KCMF1: variants seen among roughly 807,000 people sequenced by gnomAD.
The protein encoded by KCMF1 is potassium channel modulatory factor 1.
In KCMF1, 3 loss-of-function variants were observed where a neutral mutation model predicts 41.1. The observed-to-expected ratio is 0.07, with a 90% confidence interval of 0.03 to 0.19. The LOEUF (loss-of-function observed/expected upper bound fraction) is 0.19. Ranked by LOEUF, KCMF1 falls within the 10% of genes least tolerant of loss-of-function variation. The pLI, the probability that KCMF1 is intolerant of heterozygous loss-of-function variation, is 1.00. For missense variants in KCMF1, 286 were observed against 488.9 expected, an observed-to-expected ratio of 0.58 and a Z score of 3.91; for synonymous variants, 142 against 164.5, an observed-to-expected ratio of 0.86 and a Z score of 1.04.
intron 1 of KCMF1, among the ~76,000 whole-genome samples, chr2:85,008,291 T>TATATATCATATG (rs1553379311): frequency 6.8e-5 from 1 of 14,622 alleles, no homozygotes; most frequent in African/African-American, 1.5e-4. Context: ...TGATATATAA[T>TATATATCATATG]ATATATAATA....
At chr2:85,008,363 T>TATATATGATATATATC in intron 1 of KCMF1, among the ~76,000 whole-genome samples, 1 of 13,448 alleles carries the variant, frequency 7.4e-5, no homozygotes, top group South Asian at 3.4e-3. Context: ...TAATATATAT[T>TATATATGATATATATC]ATATATCATA....
chr2:85,058,782 G>T lies in KCMF1; in HGVS notation c.*5373G>T, dbSNP rs1676000976. On this transcript the variant is annotated 3_prime_UTR_variant, in exon 7 of 7. Coordinates refer to ENST00000409785, the MANE Select transcript of KCMF1 (RefSeq NM_020122.5). ...GTCAGTCACGTGACCAATCAGAGCT[G>T]GTGAGTGAGCTGCTCCCTTAAATCT... 6.6e-6 allele frequency: 1 copy of T among 152,178 alleles called. No homozygotes were observed. Among genetic ancestry groups the T allele is most frequent in the Non-Finnish European group, 1.5e-5 (1 of 68,038 alleles). 9.4% of individuals were successfully genotyped at this position (152,178 alleles called of 1,614,324 possible).
At chr2:85,031,451 G>A (rs1675265061) in intron 2 of KCMF1, among the ~76,000 whole-genome samples, 1 of 152,100 alleles carries the variant, frequency 6.6e-6, no homozygotes, top group Non-Finnish European at 1.5e-5. Context: ...ATGTTCAGTA[G>A]AAACAGAACT....
chr2:85,025,835 A>G (rs1457012551), intron 1 of KCMF1, among the ~76,000 whole-genome samples: 1 of 152,066 alleles, frequency 6.6e-6, no homozygotes, highest in East Asian at 1.9e-4. Flanking sequence ...TTTGCAGTGA[A>G]GAAATACAAT....
chr2:85,006,369 C>T (rs1006693446), intron 1 of KCMF1, among the ~76,000 whole-genome samples: 2 of 142,170 alleles, frequency 1.4e-5, no homozygotes, highest in Admixed American at 7.3e-5. Flanking sequence ...GGCGCCATCT[C>T]GGCTCACTGC....
In KCMF1 at chr2:85,013,577, A is replaced by G. The variant is rs149661339; in HGVS notation, c.17-14312A>G. Among the ~76,000 whole-genome samples the G allele has an allele frequency of 7.9e-3, 1,198 of 152,228 alleles. 16 individuals are homozygous for G. Among genetic ancestry groups the G allele is most frequent in the African/African-American group, 0.027 (1,133 of 41,536 alleles). On this transcript the variant is annotated intron_variant, in intron 1 of 6. Coordinates refer to ENST00000409785, the MANE Select transcript of KCMF1 (RefSeq NM_020122.5). ...CACTTTGGGAGGCCGAGGTGGGCGG[A>G]TCACGAGGCCGGTAGTTCGAGACCA...
At chr2:84,981,160 C>G (rs1673734541) in intron 1 of KCMF1, among the ~76,000 whole-genome samples, 1 of 150,826 alleles carries the variant, frequency 6.6e-6, no homozygotes, top group African/African-American at 2.4e-5. Context: ...GATATCATGA[C>G]TAATTAGGTT....
At chr2:85,048,612 T>C (rs1029892273) in intron 5 of KCMF1, among the ~76,000 whole-genome samples, 5 of 152,240 alleles carry the variant, frequency 3.3e-5, no homozygotes, top group African/African-American at 1.2e-4. Context: ...GGCATTTCAC[T>C]GTACCTTACT....
At chr2:85,007,386 A>G (rs1411729259) in intron 1 of KCMF1, among the ~76,000 whole-genome samples, 1 of 152,206 alleles carries the variant, frequency 6.6e-6, no homozygotes, top group Non-Finnish European at 1.5e-5. Context: ...GTCTGGAGAA[A>G]TCATTGGGCA....
chr2:84,974,692 T>TATATATATATA (rs1491555128), intron 1 of KCMF1, among the ~76,000 whole-genome samples: 15 of 17,204 alleles, frequency 8.7e-4, no homozygotes, highest in South Asian at 2.9e-3. Flanking sequence ...TATATATATA[T>TATATATATATA]TTTTTTTTTT....
chr2:84,974,224 GAAC>G, intron 1 of KCMF1, among the ~76,000 whole-genome samples: 1 of 152,136 alleles, frequency 6.6e-6, no homozygotes, highest in Non-Finnish European at 1.5e-5. Context: ...GTGTGATCCT[GAAC>G]TGGATATAAT....
At chr2:84,973,195 C>T (rs923033248) in intron 1 of KCMF1, among the ~76,000 whole-genome samples, 1 of 152,108 alleles carries the variant, frequency 6.6e-6, no homozygotes, top group African/African-American at 2.4e-5. Flanking sequence ...TGTTTCAGAC[C>T]CATTCTCCTT....
At chr2:84,981,076 G>A (rs74768407) in intron 1 of KCMF1, among the ~76,000 whole-genome samples, 6,127 of 151,770 alleles carry the variant, frequency 0.04, 198 homozygotes, top group African/African-American at 0.087. Context: ...AAAAAACTGA[G>A]ATCAGAAGAG....
chr2:85,004,468 C>T (rs563955621), intron 1 of KCMF1, among the ~76,000 whole-genome samples: 30 of 151,556 alleles, frequency 2.0e-4, no homozygotes, highest in East Asian at 2.0e-3. Context: ...GCCGAGATCG[C>T]GCCACTGCAC....
intron 1 of KCMF1, among the ~76,000 whole-genome samples, chr2:84,996,830 G>C (rs1297044964): frequency 6.6e-6 from 1 of 152,102 alleles, no homozygotes; most frequent in African/African-American, 2.4e-5. Context: ...TAATGAGAGG[G>C]ATACGTGCTG....
rs1025596395 is a variant in KCMF1 at position 85,057,827 on chromosome 2, G to A, written c.*4418G>A. ...TTAGCAAATTCAAGTTTTGAAAGAC[G>A]ATTCGTCTCAGAGAAGTTGATCCTG... On this transcript the variant is annotated 3_prime_UTR_variant, in exon 7 of 7. Coordinates refer to ENST00000409785, the MANE Select transcript of KCMF1 (RefSeq NM_020122.5). 5 of 152,166 alleles carry A rather than the reference G, an allele frequency of 3.3e-5. No individual in the cohort carries two copies. The highest frequency in any genetic ancestry group is 9.7e-5 in the African/African-American group (4 of 41,426). The allele number at this position is 152,166 out of a possible 1,614,324, so 9.4% of individuals were successfully genotyped here.
Position 85,056,589 on chromosome 2 carries a change from A to G in KCMF1, c.*3180A>G, listed in dbSNP as rs1379407329. On this transcript the variant is annotated 3_prime_UTR_variant, in exon 7 of 7. Coordinates refer to ENST00000409785, the MANE Select transcript of KCMF1 (RefSeq NM_020122.5). Reference sequence around the variant, plus strand: ...AAGGACAAAGTGGGTTGGGGGGTAGAAGGAGAATACTAGAGAGGTTACGGT... The same window carrying G: ...AAGGACAAAGTGGGTTGGGGGGTAGGAGGAGAATACTAGAGAGGTTACGGT... 6.6e-6 allele frequency: 1 copy of G among 152,232 alleles called. No individual in the cohort carries two copies. The highest frequency in any genetic ancestry group is 1.5e-5 in the Non-Finnish European group (1 of 68,070). 9.4% of individuals were successfully genotyped at this position (152,232 alleles called of 1,614,324 possible). A position where few individuals can be genotyped will look rare whatever the true frequency, so the allele number is the denominator to read the frequency against.
At position 85,049,374 on chromosome 2, in the gene KCMF1, T is replaced by C; in HGVS notation, c.610T>C (p.Ser204Pro). Residue 204 changes from serine to proline, a missense_variant, in exon 6 of 7, where the codon TCT (serine) becomes CCT (proline). By Grantham distance (74) the Ser-to-Pro change is moderately conservative (BLOSUM62 -1). Around this residue, in one of 2 missense-constraint regions of KCMF1, gnomAD observed 191 missense variants for 279.3 expected, o/e 0.68. Transcript: ENST00000409785. The part of the protein sequence containing the change: ...EAMDPIAELL[S>P]QLSGVRRSAG... Reference sequence around the variant, plus strand: ...TTCATTTCCATTGGCAGAGCTTTTATCTCAGTTATCAGGAGTGAGACGTTC... The same window carrying C: ...TTCATTTCCATTGGCAGAGCTTTTACCTCAGTTATCAGGAGTGAGACGTTC... 1 of 1,612,480 alleles carries C rather than the reference T, an allele frequency of 6.2e-7. No homozygotes were observed. Among genetic ancestry groups the C allele is most frequent in the Non-Finnish European group, 8.5e-7 (1 of 1,178,492 alleles).
intron 1 of KCMF1, among the ~76,000 whole-genome samples, chr2:85,003,492 G>T (rs1359887913): frequency 6.6e-6 from 1 of 151,454 alleles, no homozygotes; most frequent in Non-Finnish European, 1.5e-5. Flanking sequence ...AAAAAAATAA[G>T]TCTTGTTTTA....
Sources: allele counts gnomAD v4.1 joint callset (sites outside exome capture counted in the v4.1 genomes callset), GRCh38; gene constraint gnomAD v4.1.1; regional missense constraint gnomAD v4.1.1; transcripts MANE v1.5; gene names NCBI Gene and HGNC (gene_info 2026-07-23, HGNC 2026-07-21).